The following CDKL2 variants were observed in gnomAD, a reference collection of about 807,000 sequenced individuals.
CDKL2 encodes the protein cyclin-dependent kinase-like 2.
In CDKL2, 64 loss-of-function variants were observed where a neutral mutation model predicts 63.9. That is an observed-to-expected ratio of 1.00 (90% CI 0.82 to 1.23). The LOEUF (loss-of-function observed/expected upper bound fraction) is 1.23, where lower values mean the gene tolerates loss of function less well. Among genes scored for constraint, CDKL2 ranks in the 50% most tolerant of loss-of-function variants. The pLI is 0.00. For missense variants in CDKL2, 656 were observed against 668.0 expected (o/e 0.98, Z 0.20); for synonymous variants, 211 against 229.2 (o/e 0.92, Z 0.72).
At position 75,605,633 on chromosome 4, in the gene CDKL2, C is replaced by T; in HGVS notation, c.544G>A (p.Ala182Thr). Residue 182 changes from alanine (A) to threonine (T), a missense_variant and splice_region_variant, in exon 5 of 14, where the codon GCT (alanine) becomes ACT (threonine). Ala to Thr is a moderately conservative substitution (Grantham distance 58). Transcript: ENST00000307465. ...LLVGDVKYGK[A>T]VDVWAIGCLV... ...CAACCAATGGCCCACACATCAACAG[C>T]CCTGAAAGAAAAGCAATGTGGTGTA... 1.2e-6 allele frequency: 2 copies of T among 1,606,724 alleles called. No individual in the cohort carries two copies. The highest frequency in any genetic ancestry group is 1.7e-6 in the Non-Finnish European group (2 of 1,173,570).
intron 4 of CDKL2, 57 bp from the exon 5 acceptor site, chr4:75,605,691 A>G: frequency 1.8e-6 from 2 of 1,097,048 alleles, no homozygotes; most frequent in Non-Finnish European, 2.8e-6. Flanking sequence ...CCAAAACCCA[A>G]AGCTTTTTGA....
chr4:75,589,397 C>T (rs979461190), intron 12 of CDKL2, among the ~76,000 whole-genome samples: 55 of 147,704 alleles, frequency 3.7e-4, no homozygotes, highest in Middle Eastern at 3.5e-3. Flanking sequence ...CTCCGCCTCC[C>T]GGGTTCACGC....
intron 10 of CDKL2, among the ~76,000 whole-genome samples, chr4:75,593,133 C>T (rs2148870077): frequency 6.6e-6 from 1 of 152,188 alleles, no homozygotes; most frequent in Non-Finnish European, 1.5e-5. Flanking sequence ...CTGCAGTGAG[C>T]TTTTGAGTTT....
chr4:75,595,247 G>T (rs1728865096), intron 10 of CDKL2, among the ~76,000 whole-genome samples: 2 of 148,986 alleles, frequency 1.3e-5, no homozygotes, highest in Non-Finnish European at 3.0e-5. Flanking sequence ...TGTCACCCAG[G>T]CTGAGGTGCT....
intron 8 of CDKL2, 92 bp downstream of exon 8, chr4:75,597,985 G>T: frequency 1.3e-6 from 1 of 798,312 alleles, no homozygotes; most frequent in Non-Finnish European, 1.9e-6. Flanking sequence ...TTTGCTCACT[G>T]CTCAGAAAAC....
At chr4:75,595,986 A>G (rs1308201630) in intron 10 of CDKL2, 1 of 221,180 alleles carries the variant, frequency 4.5e-6, no homozygotes, top group Non-Finnish European at 7.6e-6. Flanking sequence ...AGAAGGAAGG[A>G]AGGAAGGAAG....
intron 1 of CDKL2, among the ~76,000 whole-genome samples, chr4:75,627,136 G>A (rs1377880646): frequency 6.6e-6 from 1 of 151,518 alleles, no homozygotes; most frequent in African/African-American, 2.4e-5. Flanking sequence ...CCAGGAGGCG[G>A]AGGTTGCAGT....
At chr4:75,609,864 A>G (rs1729606361) in intron 3 of CDKL2, among the ~76,000 whole-genome samples, 1 of 151,998 alleles carries the variant, frequency 6.6e-6, no homozygotes, top group African/African-American at 2.4e-5. Flanking sequence ...GATATCAGTG[A>G]TGAGGACACA....
At chr4:75,600,464 A>AT (rs67518748) in intron 6 of CDKL2, 95 bp from the exon 7 acceptor site, 6,996 of 654,364 alleles carry the variant, frequency 0.011, 10 homozygotes, top group African/African-American at 0.023. Context: ...ATAGTCAACG[A>AT]TTTTTTTTTT....
intron 2 of CDKL2, among the ~76,000 whole-genome samples, chr4:75,620,497 C>T (rs1730109676): frequency 6.6e-6 from 1 of 152,114 alleles, no homozygotes. Flanking sequence ...TTCACAGTAA[C>T]AGTAGACTTG....
rs910750117 is a variant in CDKL2, at chr4:75,591,897, C to G, written c.1569G>C (p.Glu523Asp). 66 of 1,535,824 alleles carry G rather than the reference C, an allele frequency of 4.3e-5. No homozygotes were observed. The highest frequency in any genetic ancestry group is 1.7e-4 in the Middle Eastern group (1 of 6,006). ...IARNSRLTKK[E>D]SKILSESRIP... Reference sequence around the variant, plus strand: ...TTCGAGATTCTGAAAGAATTTTGCTCTCTTTCTTTGTTAGCCTGGAATTTC... The same window carrying G: ...TTCGAGATTCTGAAAGAATTTTGCTGTCTTTCTTTGTTAGCCTGGAATTTC... The change falls in exon 12 of 14, where the codon GAG becomes GAC. Residue 523 changes from glutamate (E) to aspartate (D), a missense_variant. Physicochemically the swap from Glu to Asp is conservative, Grantham distance 45. Coordinates refer to ENST00000307465, the MANE Select transcript of CDKL2 (RefSeq NM_001330724.2).
intron 3 of CDKL2, among the ~76,000 whole-genome samples, chr4:75,608,190 T>A (rs2148892700): frequency 7.1e-6 from 1 of 140,298 alleles, no homozygotes; most frequent in South Asian, 2.4e-4. Flanking sequence ...AATGGCGCGA[T>A]TTCGGCTCAC....
Position 75,614,428 on chromosome 4 carries a change from C to A in CDKL2, c.190G>T (p.Val64Leu), listed in dbSNP as rs773874166. The change falls in exon 3 of 14, where the codon GTG becomes TTG. Residue 64 changes from valine to leucine, a missense_variant. By Grantham distance (32) the Val-to-Leu change is conservative. Transcript: ENST00000307465. The part of the protein sequence containing the change: ...LLKQLRHENL[V>L]NLLEVCKKKK... ...TTCTTACACACTTCCAAGAGATTCACCAAGTTTTCATGCCTAAGTTGCTGT... is the reference window on the plus strand; with the variant it reads ...TTCTTACACACTTCCAAGAGATTCAACAAGTTTTCATGCCTAAGTTGCTGT... The A allele has an allele frequency of 6.4e-6, 10 of 1,552,930 alleles. No homozygotes were observed. The highest frequency in any genetic ancestry group is 7.9e-6 in the Non-Finnish European group (9 of 1,144,764).
At chr4:75,629,183 A>G (rs1265752608) in intron 1 of CDKL2, among the ~76,000 whole-genome samples, 3 of 152,220 alleles carry the variant, frequency 2.0e-5, no homozygotes, top group Admixed American at 1.3e-4. Flanking sequence ...GGTTTATCAT[A>G]CCAATGACAA....
intron 6 of CDKL2, among the ~76,000 whole-genome samples, chr4:75,601,163 A>C: frequency 6.6e-6 from 1 of 152,182 alleles, no homozygotes; most frequent in East Asian, 1.9e-4. Context: ...CAAACTATGA[A>C]ATGAAATAAA....
rs574511380 is a variant in CDKL2, at chr4:75,598,011, AT to A, written c.1020+65del. The A allele has an allele frequency of 9.6e-5, 109 of 1,138,130 alleles. No homozygotes were observed. In the East Asian group the frequency reaches 2.8e-3, roughly 29 times the overall value. The allele number at this position is 1,138,130 out of a possible 1,614,324, so 70.5% of individuals were successfully genotyped here. On this transcript the variant is annotated intron_variant, in intron 8 of 13. Coordinates refer to ENST00000307465, the MANE Select transcript of CDKL2 (RefSeq NM_001330724.2). ...CTCAGAAAACTTTTTTCAAAATCAT[AT>A]TTTTTCTCAAAAAATTTAAAAAAAT...
At chr4:75,594,363 G>A (rs898666155) in intron 10 of CDKL2, among the ~76,000 whole-genome samples, 9 of 151,794 alleles carry the variant, frequency 5.9e-5, no homozygotes, top group South Asian at 2.1e-4. Context: ...CAGGAGAATC[G>A]CTCAAATCTG....
intron 5 of CDKL2, among the ~76,000 whole-genome samples, chr4:75,604,440 T>C (rs1341447526): frequency 6.6e-6 from 1 of 152,242 alleles, no homozygotes; most frequent in African/African-American, 2.4e-5. Context: ...GTACTGCTTA[T>C]TTAATTTCTA....
chr4:75,582,339 A>C (rs922196944), intron 12 of CDKL2, among the ~76,000 whole-genome samples: 6 of 152,204 alleles, frequency 3.9e-5, no homozygotes, highest in Non-Finnish European at 8.8e-5. Context: ...CAGATGCTAT[A>C]AAAGGGAACC....
Sources: gnomAD v4.1 joint callset for allele counts (sites outside exome capture counted in the v4.1 genomes callset) on GRCh38, gnomAD v4.1.1 for gene constraint, MANE v1.5 for transcripts, NCBI Gene and HGNC (gene_info 2026-07-23, HGNC 2026-07-21) for gene names.